Variants in CACNA2D3 observed in about 807,000 individuals in gnomAD.
CACNA2D3 encodes voltage-dependent calcium channel subunit alpha-2/delta-3.
In CACNA2D3, 60 loss-of-function variants were observed where a neutral mutation model predicts 160.6. The ratio of observed to expected loss-of-function variants is 0.37; its 90% CI spans 0.30 to 0.46. The LOEUF is 0.46. Among genes scored for constraint, CACNA2D3 ranks in the 20% least tolerant of loss-of-function variants. CACNA2D3 has a pLI of 1.00. For synonymous variants in CACNA2D3, 558 were observed against 492.9 expected (o/e 1.13, Z -1.75); for missense variants, 1,205 against 1,365.0 (o/e 0.88, Z 1.85).
At chr3:54,852,163 G>A (rs1331240426) in intron 17 of CACNA2D3, among the ~76,000 whole-genome samples, 2 of 152,194 alleles carry the variant, frequency 1.3e-5, no homozygotes, top group African/African-American at 4.8e-5. Context: ...CCAGGCTGTA[G>A]CCTCTCCAGT....
At chr3:55,022,688 G>A (rs1277552984) in intron 35 of CACNA2D3, among the ~76,000 whole-genome samples, 18 of 136,492 alleles carry the variant, frequency 1.3e-4, no homozygotes, top group Non-Finnish European at 1.5e-4. Flanking sequence ...CCTTCCATTG[G>A]ATTGATTGGG....
At chr3:54,472,241 A>G (rs1040593500) in intron 4 of CACNA2D3, among the ~76,000 whole-genome samples, 5 of 152,258 alleles carry the variant, frequency 3.3e-5, no homozygotes, top group Admixed American at 6.5e-5. Flanking sequence ...GGCTGGTTCA[A>G]CATACACAAA....
intron 5 of CACNA2D3, among the ~76,000 whole-genome samples, chr3:54,523,665 A>G (rs1381164573): frequency 2.6e-5 from 4 of 152,058 alleles, no homozygotes; most frequent in Non-Finnish European, 5.9e-5. Context: ...ATAGCTTTTT[A>G]AAGTTAATAA....
At chr3:55,057,418 C>G (rs1308843914) in intron 35 of CACNA2D3, among the ~76,000 whole-genome samples, 2 of 152,102 alleles carry the variant, frequency 1.3e-5, no homozygotes, top group Non-Finnish European at 2.9e-5. Flanking sequence ...ATTATAAGGT[C>G]AAGATTCCCC....
chr3:54,182,448 G>C (rs1353823947), intron 2 of CACNA2D3, among the ~76,000 whole-genome samples: 1 of 152,188 alleles, frequency 6.6e-6, no homozygotes, highest in Admixed American at 6.5e-5. Flanking sequence ...GAGTCCGCTC[G>C]TCACTGGCAT....
chr3:54,746,194 C>G (rs938591808), intron 11 of CACNA2D3, among the ~76,000 whole-genome samples: 1 of 152,242 alleles, frequency 6.6e-6, no homozygotes, highest in South Asian at 2.1e-4. Context: ...ATTTATGAAG[C>G]ATTTATGTGA....
At chr3:54,393,376 A>G (rs1362270438) in intron 4 of CACNA2D3, among the ~76,000 whole-genome samples, 2 of 152,128 alleles carry the variant, frequency 1.3e-5, no homozygotes, top group Non-Finnish European at 2.9e-5. Context: ...TGGGTACTGC[A>G]CCGTCTTTGA....
chr3:54,871,225 C>A (rs200491418), intron 17 of CACNA2D3, among the ~76,000 whole-genome samples: 5,866 of 131,732 alleles, frequency 0.045, 333 homozygotes, highest in African/African-American at 0.14. Context: ...ACACACACAC[C>A]CCCCATTCAA....
At chr3:54,444,467 G>T (rs72973144) in intron 4 of CACNA2D3, among the ~76,000 whole-genome samples, 2,762 of 152,254 alleles carry the variant, frequency 0.018, 92 homozygotes, top group African/African-American at 0.062. Context: ...AAGAACCCTG[G>T]TGATGCAGTG....
chr3:54,802,635 G>A (rs2106675143), intron 13 of CACNA2D3, among the ~76,000 whole-genome samples: 1 of 152,270 alleles, frequency 6.6e-6, no homozygotes, highest in African/African-American at 2.4e-5. Flanking sequence ...GCAGGGCACA[G>A]ACAAACAAAA....
chr3:54,668,991 A>C (rs563505738), intron 11 of CACNA2D3, among the ~76,000 whole-genome samples: 2 of 152,250 alleles, frequency 1.3e-5, no homozygotes, highest in Non-Finnish European at 2.9e-5. Flanking sequence ...TTCCTTTTTC[A>C]TGTTTTCACA....
At chr3:55,050,090 T>G (rs1704160333) in intron 35 of CACNA2D3, among the ~76,000 whole-genome samples, 1 of 151,872 alleles carries the variant, frequency 6.6e-6, no homozygotes, top group African/African-American at 2.4e-5. Flanking sequence ...ATTGGAGCAT[T>G]TAGTCCATTT....
At chr3:54,951,873 C>T (rs1027016441) in intron 27 of CACNA2D3, among the ~76,000 whole-genome samples, 7 of 152,070 alleles carry the variant, frequency 4.6e-5, no homozygotes, top group South Asian at 2.1e-4. Context: ...TTTTTGGAGA[C>T]GGTCTCACTC....
intron 31 of CACNA2D3, among the ~76,000 whole-genome samples, chr3:55,000,883 C>T (rs1702966629): frequency 6.6e-6 from 1 of 152,124 alleles, no homozygotes; most frequent in African/African-American, 2.4e-5. Context: ...GAAGCCTAAG[C>T]ATTTCTTAGA....
At chr3:54,356,777 T>A (rs942658296) in intron 3 of CACNA2D3, among the ~76,000 whole-genome samples, 2 of 152,218 alleles carry the variant, frequency 1.3e-5, no homozygotes, top group African/African-American at 4.8e-5. Flanking sequence ...GTATTAATTT[T>A]AAAAATTTGC....
chr3:54,755,886 A>T (rs981902793), intron 12 of CACNA2D3, among the ~76,000 whole-genome samples: 2 of 151,964 alleles, frequency 1.3e-5, no homozygotes, highest in African/African-American at 4.8e-5. Flanking sequence ...GCTAGTATGC[A>T]TTTAGTCATG....
At chr3:54,759,571 A>G (rs966104219) in intron 12 of CACNA2D3, among the ~76,000 whole-genome samples, 3 of 151,794 alleles carry the variant, frequency 2.0e-5, no homozygotes, top group African/African-American at 4.8e-5. Context: ...GTTATTGTCA[A>G]TATTATTTTT....
chr3:54,626,205 A>G, intron 9 of CACNA2D3: 2 of 819,588 alleles, frequency 2.4e-6, no homozygotes, highest in Non-Finnish European at 4.1e-6. Flanking sequence ...TTTTCTGAGG[A>G]TCCGGCAAGA....
intron 2 of CACNA2D3, among the ~76,000 whole-genome samples, chr3:54,175,167 T>G (rs971671022): frequency 2.0e-5 from 3 of 152,202 alleles, no homozygotes; most frequent in African/African-American, 7.2e-5. Flanking sequence ...TCACACACAT[T>G]GTAGCTGGTT....
Sources: gnomAD v4.1 joint callset for allele counts (sites outside exome capture counted in the v4.1 genomes callset) on GRCh38, gnomAD v4.1.1 for gene constraint, MANE v1.5 for transcripts, NCBI Gene and HGNC (gene_info 2026-07-23, HGNC 2026-07-21) for gene names.